The following COL12A1 variants were observed in gnomAD, a reference collection of about 807,000 sequenced individuals.
COL12A1 encodes the protein collagen alpha-1(XII) chain.
A neutral mutation model predicts 349.7 loss-of-function variants in COL12A1; 114 were observed. The ratio of observed to expected loss-of-function variants is 0.33; its 90% CI spans 0.28 to 0.38. The LOEUF (loss-of-function observed/expected upper bound fraction) is 0.38, where lower values mean the gene tolerates loss of function less well. Among genes scored for constraint, COL12A1 ranks in the 10% least tolerant of loss-of-function variants. The pLI is 1.00. For synonymous variants in COL12A1, 1,369 were observed against 1,329.0 expected (o/e 1.03, Z -0.66); for missense variants, 3,284 against 3,756.9 (o/e 0.87, Z 3.29).
At chr6:75,204,181 G>C (rs1026488789) in intron 1 of COL12A1, among the ~76,000 whole-genome samples, 3 of 152,112 alleles carry the variant, frequency 2.0e-5, no homozygotes, top group Non-Finnish European at 4.4e-5. Context: ...ACAACTGTTT[G>C]ACATTTCTAA....
intron 36 of COL12A1, among the ~76,000 whole-genome samples, chr6:75,130,597 T>C (rs1766252934): frequency 6.6e-6 from 1 of 151,922 alleles, no homozygotes; most frequent in South Asian, 2.1e-4. Context: ...AAAAAGAAGA[T>C]ACAGAGCAGA....
chr6:75,092,362 A>G (rs1767813828), intron 60 of COL12A1, among the ~76,000 whole-genome samples: 1 of 152,178 alleles, frequency 6.6e-6, no homozygotes, highest in East Asian at 1.9e-4. Context: ...ATATTCTACA[A>G]TTAAAAAAAA....
rs1403624483 is a variant in COL12A1 at position 75,128,360 on chromosome 6, T to C, written c.6276A>G (p.Lys2092=). Residue 2092 remains lysine, a synonymous_variant, in exon 38 of 66, where the codon AAA becomes AAG. Coordinates refer to ENST00000322507, the MANE Select transcript of COL12A1 (RefSeq NM_004370.6). ...CTTCATAAACAGCAATAACAGTAAT[T>C]TTATATGGAGTGTCAGGTTGCAGGG... is the stretch of plus-strand genomic sequence containing the variant. ...LQPLQPDTPY[K]ITVIAVYEDG... The C allele has an allele frequency of 6.2e-7, 1 of 1,610,300 alleles. No individual in the cohort carries two copies. Among genetic ancestry groups the C allele is most frequent in the Non-Finnish European group, 8.5e-7 (1 of 1,178,234 alleles).
In COL12A1 at chr6:75,165,489, A is replaced by G; in HGVS notation, c.2983+18T>C. On this transcript the variant is annotated intron_variant, in intron 14 of 65. Transcript: ENST00000322507. Reference sequence around the variant, plus strand: ...GTAGCACCGGCACACACCCAAACACACCCATAATGTTACCTACATTCAGTT... The same window carrying G: ...GTAGCACCGGCACACACCCAAACACGCCCATAATGTTACCTACATTCAGTT... 1 of 1,610,092 alleles carries G rather than the reference A, an allele frequency of 6.2e-7. No individual in the cohort carries two copies. Among genetic ancestry groups the G allele is most frequent in the Non-Finnish European group, 8.5e-7 (1 of 1,178,634 alleles).
rs74906640 is a variant in COL12A1 at position 75,103,445 on chromosome 6, C to T, written c.8319+312G>A. 4.9e-3 allele frequency among the ~76,000 whole-genome samples: 749 copies of T among 152,262 alleles called. 6 individuals carry two copies. Among genetic ancestry groups the T allele is most frequent in the African/African-American group, 0.017 (719 of 41,552 alleles). ...CTCCCAACAGGCTCCAGCTCTCTAG[C>T]GGGTCTCTGCTCCCTGTGGGGTGTG... is the stretch of plus-strand genomic sequence containing the variant. On this transcript the variant is annotated intron_variant, in intron 55 of 65. Coordinates refer to ENST00000322507, the MANE Select transcript of COL12A1 (RefSeq NM_004370.6).
In COL12A1 at chr6:75,125,184, C is replaced by T; in HGVS notation, c.6550G>A (p.Val2184Ile). The T allele has an allele frequency of 6.2e-7, 1 of 1,612,398 alleles. No homozygotes were observed. Among genetic ancestry groups the T allele is most frequent in the Non-Finnish European group, 8.5e-7 (1 of 1,178,976 alleles). The change falls in exon 40 of 66, where the codon GTT (valine) becomes ATT (isoleucine). Residue 2184 changes from valine to isoleucine, a missense_variant. By Grantham distance (29) the Val-to-Ile change is conservative (BLOSUM62 3). Coordinates refer to ENST00000322507, the MANE Select transcript of COL12A1 (RefSeq NM_004370.6). ...AGTCCAGAATCATATTGAGCATAAA[C>T]ATTCACATCGTAGGTGGTGCTGGGA... ...LNPSTTYDVN[V>I]YAQYDSGLSV...
At chr6:75,097,467 AT>A (rs775394595) in intron 58 of COL12A1, among the ~76,000 whole-genome samples, 161 bp from the exon 59 acceptor site, 3 of 152,344 alleles carry the variant, frequency 2.0e-5, no homozygotes, top group African/African-American at 4.8e-5. Context: ...AGCAAAAAAA[AT>A]AAAATTAAAA....
In COL12A1 at chr6:75,134,814, T is replaced by C; in HGVS notation, c.5436A>G (p.Lys1812=). Residue 1812 remains lysine, a synonymous_variant, in exon 32 of 66, where the codon AAA becomes AAG. Coordinates refer to ENST00000322507, the MANE Select transcript of COL12A1 (RefSeq NM_004370.6). ...GGRQNSVVLQ[K]LKPDTPYTIT... ...TAGTGTAAGGAGTGTCTGGCTTCAG[T>C]TTCTGCAGGACCACACTGTTCTGCC... The C allele has an allele frequency of 3.1e-6, 5 of 1,613,188 alleles. No homozygotes were observed. Among genetic ancestry groups the C allele is most frequent in the Non-Finnish European group, 4.2e-6 (5 of 1,179,408 alleles).
intron 11 of COL12A1, among the ~76,000 whole-genome samples, chr6:75,180,417 C>T (rs968957883): frequency 1.3e-5 from 2 of 151,956 alleles, no homozygotes; most frequent in East Asian, 1.9e-4. Flanking sequence ...GTTCTAAAGA[C>T]GGATGGTGGT....
chr6:75,163,823 A>G (rs2149436083), intron 14 of COL12A1, among the ~76,000 whole-genome samples: 1 of 152,314 alleles, frequency 6.6e-6, no homozygotes, highest in East Asian at 1.9e-4. Context: ...GCGACAACAC[A>G]TCTCTTGTAG....
At chr6:75,118,944 CAAT>C in intron 46 of COL12A1, 96 bp downstream of exon 46, 1 of 1,519,304 alleles carries the variant, frequency 6.6e-7, no homozygotes, top group South Asian at 1.2e-5. Context: ...GAAACAGAAA[CAAT>C]AAAGTAACAT....
intron 38 of COL12A1, 137 bp from the exon 39 acceptor site, chr6:75,126,607 T>A (rs1766029292): frequency 2.0e-6 from 2 of 1,012,732 alleles, no homozygotes; most frequent in African/African-American, 3.3e-5. Flanking sequence ...CAGAAAACAA[T>A]TAAAAGGCAT....
chr6:75,107,678 T>C (rs1768635938), intron 52 of COL12A1, among the ~76,000 whole-genome samples: 1 of 152,246 alleles, frequency 6.6e-6, no homozygotes, highest in Non-Finnish European at 1.5e-5. Context: ...TTAGAAATTA[T>C]TACCAAGTGC....
rs755741674 is a variant in COL12A1, at chr6:75,151,944, G to A, written c.3923C>T (p.Thr1308Ile). The A allele has an allele frequency of 6.2e-7, 1 of 1,613,880 alleles. No individual in the cohort carries two copies. Among genetic ancestry groups the A allele is most frequent in the Non-Finnish European group, 8.5e-7 (1 of 1,179,848 alleles). Residue 1308 changes from threonine (T) to isoleucine (I), a missense_variant, in exon 20 of 66, where the codon ACT (threonine) becomes ATT (isoleucine). This residue lies in a region of COL12A1 where 2,601 missense variants were observed against 2,824.8 expected (regional missense o/e 0.92). Coordinates refer to ENST00000322507, the MANE Select transcript of COL12A1 (RefSeq NM_004370.6). Reference protein sequence around the residue: ...PRARKIGVLITDGKSQDDVEA... With the variant: ...PRARKIGVLIIDGKSQDDVEA... ...AACATCGTCTTGTGATTTTCCATCA[G>A]TAATGAGCACACCAATTTTTCGAGC...
In COL12A1 at chr6:75,202,793, C is replaced by G. The variant is rs1770599470; in HGVS notation, c.-1G>C. ...GCGCTGGGGGAAGCCTACTCCGCATCCTTGGCCTCCGAGCTTACAGCGGCA... is the reference window on the plus strand; with the variant it reads ...GCGCTGGGGGAAGCCTACTCCGCATGCTTGGCCTCCGAGCTTACAGCGGCA... On this transcript the variant is annotated 5_prime_UTR_variant, in exon 2 of 66. Transcript: ENST00000322507. 1 of 1,551,770 alleles carries G rather than the reference C, an allele frequency of 6.4e-7. No individual in the cohort carries two copies. Among genetic ancestry groups the G allele is most frequent in the Non-Finnish European group, 8.7e-7 (1 of 1,146,994 alleles).
Position 75,183,100 on chromosome 6 carries a change from T to G in COL12A1, c.1841A>C (p.Gln614Pro), listed in dbSNP as rs1202194413. 5 of 1,614,062 alleles carry G rather than the reference T, an allele frequency of 3.1e-6. No individual in the cohort carries two copies. Among genetic ancestry groups the G allele is most frequent in the Admixed American group, 1.7e-5 (1 of 59,988 alleles). The change falls in exon 10 of 66, where the codon CAG becomes CCG. Residue 614 changes from glutamine (Q) to proline (P), a missense_variant. By Grantham distance (76) the Gln-to-Pro change is moderately conservative. This residue lies in a region of COL12A1 where 2,601 missense variants were observed against 2,824.8 expected (regional missense o/e 0.92). Coordinates refer to ENST00000322507, the MANE Select transcript of COL12A1 (RefSeq NM_004370.6). ...AFQRISFELT[Q>P]SICLRIEQEL... ...TTGCTCAATTCTAAGGCAGATAGAC[T>G]GTGTGAGTTCAAAAGATATCCTCTG...
At chr6:75,138,212 A>G in intron 30 of COL12A1, 108 bp downstream of exon 30, 2 of 1,162,826 alleles carry the variant, frequency 1.7e-6, no homozygotes, top group South Asian at 1.5e-5. Context: ...TGAACATCTT[A>G]GGATTTAAAA....
chr6:75,149,508 G>A (rs1767373514), intron 21 of COL12A1, among the ~76,000 whole-genome samples: 2 of 152,174 alleles, frequency 1.3e-5, no homozygotes, highest in South Asian at 2.1e-4. Flanking sequence ...CTCCCTGTGG[G>A]TGGATATAGG....
In COL12A1 at chr6:75,101,701, T is replaced by C. The variant is rs1471442428; in HGVS notation, c.8470-48A>G. Reference sequence around the variant, plus strand: ...GTGAAACATTATAATATACTTCCTGTGTGGGAGAGAATCTTTGTTATTTTC... The same window carrying C: ...GTGAAACATTATAATATACTTCCTGCGTGGGAGAGAATCTTTGTTATTTTC... On this transcript the variant is annotated intron_variant, in intron 57 of 65. Transcript: ENST00000322507. 4 of 1,575,818 alleles carry C rather than the reference T, an allele frequency of 2.5e-6. No homozygotes were observed. The South Asian group carries it at 3.5e-5, about 14-fold the overall frequency.
Sources: allele counts gnomAD v4.1 joint callset (sites outside exome capture counted in the v4.1 genomes callset), GRCh38; gene constraint gnomAD v4.1.1; regional missense constraint gnomAD v4.1.1; transcripts MANE v1.5; gene names NCBI Gene and HGNC (gene_info 2026-07-23, HGNC 2026-07-21).